Variants in GALNT1 observed in about 807,000 individuals in gnomAD.
The protein encoded by GALNT1 is polypeptide N-acetylgalactosaminyltransferase 1, also known as GalNAc transferase 1.
In GALNT1, 17 loss-of-function variants were observed where a neutral mutation model predicts 65.7. The ratio of observed to expected loss-of-function variants is 0.26; its 90% CI spans 0.18 to 0.39. GALNT1 has a LOEUF of 0.39. Ranked by LOEUF, GALNT1 falls within the 10% of genes least tolerant of loss-of-function variation. The probability of loss-of-function intolerance (pLI) is 1.00; values close to 1 mark genes in which losing one functional copy is unlikely to be tolerated. For missense variants in GALNT1, 460 were observed against 672.8 expected (o/e 0.68, Z 3.50); for synonymous variants, 210 against 219.7 (o/e 0.96, Z 0.39).
intron 6 of GALNT1, 94 bp from the exon 7 acceptor site, chr18:35,689,079 G>GTAGT (rs1315534949): frequency 1.3e-6 from 1 of 799,814 alleles, no homozygotes; most frequent in Non-Finnish European, 2.2e-6. Flanking sequence ...TACTTACTCA[G>GTAGT]TAGTTATAAA....
At chr18:35,597,299 G>A (rs949804090) in intron 1 of GALNT1, 1 of 152,166 alleles carries the variant, frequency 6.6e-6, no homozygotes, top group African/African-American at 2.4e-5. Flanking sequence ...ATCCATTAGT[G>A]GGAGGGTAGT....
intron 4 of GALNT1, 25 bp downstream of exon 4, chr18:35,677,782 T>C (rs769058460): frequency 5.1e-6 from 8 of 1,557,490 alleles, no homozygotes; most frequent in South Asian, 3.5e-5. Flanking sequence ...TTAATGCCAA[T>C]AATTTGCTAC....
At chr18:35,691,924 T>C (rs2047970313) in intron 8 of GALNT1, among the ~76,000 whole-genome samples, 1 of 152,188 alleles carries the variant, frequency 6.6e-6, no homozygotes, top group Admixed American at 6.5e-5. Context: ...TTAACATATA[T>C]TGAAGTTTAC....
intron 1 of GALNT1, among the ~76,000 whole-genome samples, chr18:35,584,486 G>T (rs997248508): frequency 2.6e-5 from 4 of 152,050 alleles, no homozygotes; most frequent in Non-Finnish European, 5.9e-5. Flanking sequence ...CAAGGCAAAG[G>T]GAGTGACAGA....
At chr18:35,690,135 G>A (rs1008274166) in intron 7 of GALNT1, among the ~76,000 whole-genome samples, 3 of 152,168 alleles carry the variant, frequency 2.0e-5, no homozygotes, top group South Asian at 2.1e-4. Flanking sequence ...TTGGTGGGGG[G>A]AATGTATTTT....
intron 5 of GALNT1, among the ~76,000 whole-genome samples, chr18:35,686,269 A>C (rs564036743): frequency 6.6e-6 from 1 of 152,256 alleles, no homozygotes; most frequent in Non-Finnish European, 1.5e-5. Flanking sequence ...AAGAGTATCA[A>C]TTCTACCCAA....
chr18:35,683,780 G>T (rs2047821587), intron 5 of GALNT1, among the ~76,000 whole-genome samples, 182 bp downstream of exon 5: 1 of 152,196 alleles, frequency 6.6e-6, no homozygotes, highest in African/African-American at 2.4e-5. Context: ...AAGCCTGGCA[G>T]GAATGTTTGC....
At chr18:35,607,076 T>C (rs984585391) in intron 1 of GALNT1, among the ~76,000 whole-genome samples, 6 of 152,126 alleles carry the variant, frequency 3.9e-5, no homozygotes, top group Non-Finnish European at 7.4e-5. Context: ...TGCTGTGATA[T>C]GACCTGGCTT....
intron 1 of GALNT1, chr18:35,597,655 A>G (rs1380381501): frequency 1.3e-5 from 2 of 152,580 alleles, no homozygotes; most frequent in African/African-American, 4.8e-5. Context: ...AACTCAAGCA[A>G]TCTGGGCTAC....
At chr18:35,581,324 T>C (rs1417581501), upstream of GALNT1, 3 of 150,754 alleles carry the variant, frequency 2.0e-5, no homozygotes, top group Admixed American at 6.6e-5. Flanking sequence ...GGGCCGGGAC[T>C]GGGCGGTCGG....
chr18:35,673,969 T>C lies in GALNT1; in HGVS notation c.315-3622T>C, dbSNP rs149546932. Among the ~76,000 whole-genome samples, 434 of 152,342 alleles carry C rather than the reference T, an allele frequency of 2.8e-3. 1 individual carries two copies. The highest frequency in any genetic ancestry group is 9.7e-3 in the African/African-American group (402 of 41,574). On this transcript the variant is annotated intron_variant, in intron 3 of 11. Transcript: ENST00000269195. ...ACCTAGGCTATATGGTATAGCCTAT[T>C]ACTCCCAGTCTATTAACCTGCATAG...
At chr18:35,641,832 G>A (rs1568021988) in intron 1 of GALNT1, among the ~76,000 whole-genome samples, 1 of 152,170 alleles carries the variant, frequency 6.6e-6, no homozygotes, top group African/African-American at 2.4e-5. Context: ...ACAACCATAC[G>A]TATATACTTT....
intron 4 of GALNT1, among the ~76,000 whole-genome samples, chr18:35,678,999 A>G (rs1015361468): frequency 6.6e-6 from 1 of 152,076 alleles, no homozygotes; most frequent in Non-Finnish European, 1.5e-5. Flanking sequence ...TTTTAATCAA[A>G]TTAAAGAGAT....
intron 11 of GALNT1, among the ~76,000 whole-genome samples, chr18:35,704,160 G>A (rs2048214356): frequency 6.6e-6 from 1 of 152,106 alleles, no homozygotes; most frequent in African/African-American, 2.4e-5. Flanking sequence ...AAGCATCCGT[G>A]GTAAACCTCT....
chr18:35,685,333 T>A (rs2047852008), intron 5 of GALNT1, among the ~76,000 whole-genome samples: 1 of 152,186 alleles, frequency 6.6e-6, no homozygotes, highest in Non-Finnish European at 1.5e-5. Flanking sequence ...AATGTATTTT[T>A]AAAACTGTGA....
chr18:35,585,604 G>T (rs1050416524), intron 1 of GALNT1, among the ~76,000 whole-genome samples: 2 of 152,114 alleles, frequency 1.3e-5, no homozygotes, highest in Non-Finnish European at 2.9e-5. Flanking sequence ...ATTTCCTTAT[G>T]TTTTTTTGTA....
At chr18:35,596,779 C>T (rs991639173) in intron 1 of GALNT1, 2 of 152,232 alleles carry the variant, frequency 1.3e-5, no homozygotes, top group Admixed American at 1.3e-4. Context: ...ACATCTTAGC[C>T]TCTGGCTTTC....
chr18:35,652,869 C>A (rs151057911), intron 1 of GALNT1, among the ~76,000 whole-genome samples: 46 of 152,306 alleles, frequency 3.0e-4, no homozygotes, highest in Non-Finnish European at 2.1e-4. Context: ...AACTATTCTG[C>A]AGGCATTTTT....
At chr18:35,601,257 C>G (rs562207465) in intron 1 of GALNT1, among the ~76,000 whole-genome samples, 109 of 152,034 alleles carry the variant, frequency 7.2e-4, no homozygotes, top group African/African-American at 2.6e-3. Context: ...CTCCAATGAT[C>G]CTCTGTATTT....
Sources: gnomAD v4.1 joint callset for allele counts (sites outside exome capture counted in the v4.1 genomes callset) on GRCh38, gnomAD v4.1.1 for gene constraint, MANE v1.5 for transcripts, NCBI Gene and HGNC (gene_info 2026-07-23, HGNC 2026-07-21) for gene names.